MKLN1: variants seen among roughly 807,000 people sequenced by gnomAD.
MKLN1 encodes the protein muskelin.
In MKLN1, 18 loss-of-function variants were observed where a neutral mutation model predicts 99.0. That is an observed-to-expected ratio of 0.18 (90% CI 0.13 to 0.27). MKLN1 has a LOEUF of 0.27. MKLN1 is among the 10% of genes least tolerant of loss of function. MKLN1 has a pLI of 1.00. For missense variants in MKLN1, 621 were observed against 875.9 expected (o/e 0.71, Z 3.67); for synonymous variants, 288 against 293.2 (o/e 0.98, Z 0.18).
At chr7:131,480,046 A>G (rs1797080468) in intron 17 of MKLN1, among the ~76,000 whole-genome samples, 1 of 149,550 alleles carries the variant, frequency 6.7e-6, no homozygotes, top group African/African-American at 2.4e-5. Flanking sequence ...AAAAAATACC[A>G]AGACTGTAAT....
chr7:131,431,963 G>C (rs1795535912), intron 9 of MKLN1, among the ~76,000 whole-genome samples: 1 of 152,102 alleles, frequency 6.6e-6, no homozygotes, highest in South Asian at 2.1e-4. Context: ...TTAAAACTCA[G>C]TTCAGACTTC....
At chr7:131,398,377 A>T (rs1334640604) in intron 5 of MKLN1, among the ~76,000 whole-genome samples, 3 of 152,088 alleles carry the variant, frequency 2.0e-5, no homozygotes, top group Non-Finnish European at 4.4e-5. Flanking sequence ...TGCTTAATAG[A>T]TGAGGTAGTT....
chr7:131,385,342 C>G (rs1048885454), intron 2 of MKLN1, among the ~76,000 whole-genome samples: 9 of 151,512 alleles, frequency 5.9e-5, no homozygotes, highest in Admixed American at 5.9e-4. Context: ...TGTTTGTATA[C>G]CTTTTTTTTT....
At chr7:131,448,843 C>A (rs576074012) in intron 12 of MKLN1, among the ~76,000 whole-genome samples, 1 of 152,182 alleles carries the variant, frequency 6.6e-6, no homozygotes, top group East Asian at 1.9e-4. Flanking sequence ...ATTTGTTGAC[C>A]ATCTACTAGC....
At chr7:131,116,420 T>C (rs1795279045) in intron 1 of MKLN1, among the ~76,000 whole-genome samples, 1 of 152,054 alleles carries the variant, frequency 6.6e-6, no homozygotes, top group Non-Finnish European at 1.5e-5. Context: ...CTCACAAGGC[T>C]GTTAGGAAAA....
At chr7:131,237,617 G>A (rs191951509) in intron 3 of MKLN1, among the ~76,000 whole-genome samples, 5 of 152,114 alleles carry the variant, frequency 3.3e-5, no homozygotes, top group Admixed American at 2.0e-4. Flanking sequence ...CTGACTAAGT[G>A]GGGCAATTGG....
intron 8 of MKLN1, among the ~76,000 whole-genome samples, chr7:131,428,607 T>TA (rs1370296369): frequency 1.3e-5 from 2 of 152,206 alleles, no homozygotes; most frequent in African/African-American, 4.8e-5. Flanking sequence ...GAATCTGAAT[T>TA]AAAAAATTCC....
intron 1 of MKLN1, among the ~76,000 whole-genome samples, chr7:131,357,521 T>C (rs1194762577): frequency 6.6e-6 from 1 of 152,208 alleles, no homozygotes; most frequent in Non-Finnish European, 1.5e-5. Context: ...AATTCTTCTT[T>C]ATGGGAGATT....
chr7:131,128,707 T>G (rs371838283), intron 1 of MKLN1, among the ~76,000 whole-genome samples: 1 of 152,224 alleles, frequency 6.6e-6, no homozygotes, highest in African/African-American at 2.4e-5. Context: ...AACCTTGAAC[T>G]CCTGGGCTCA....
chr7:131,457,665 C>T (rs1305209098), intron 12 of MKLN1, among the ~76,000 whole-genome samples: 1 of 152,132 alleles, frequency 6.6e-6, no homozygotes, highest in Non-Finnish European at 1.5e-5. Context: ...CCTGTAATCC[C>T]AGCACTTTGG....
chr7:131,230,226 G>A (rs1308118428), intron 3 of MKLN1, among the ~76,000 whole-genome samples: 1 of 152,026 alleles, frequency 6.6e-6, no homozygotes, highest in East Asian at 1.9e-4. Flanking sequence ...TATTAATATG[G>A]GTCAGTTGTG....
At chr7:131,171,381 A>G (rs914561807) in intron 2 of MKLN1, among the ~76,000 whole-genome samples, 1 of 152,204 alleles carries the variant, frequency 6.6e-6, no homozygotes, top group African/African-American at 2.4e-5. Context: ...GGCAGGTGGG[A>G]GAGGGGAAGG....
intron 1 of MKLN1, among the ~76,000 whole-genome samples, chr7:131,131,051 CAAAAAAAAAAA>C (rs35397071): frequency 1.7e-4 from 11 of 65,328 alleles, no homozygotes; most frequent in African/African-American, 7.4e-4. Flanking sequence ...GACCCTGTCT[CAAAAAAAAAAA>C]AAAAAAAAAA....
At chr7:131,337,459 T>A (rs1208985993) in intron 1 of MKLN1, among the ~76,000 whole-genome samples, 2 of 152,160 alleles carry the variant, frequency 1.3e-5, no homozygotes, top group African/African-American at 4.8e-5. Flanking sequence ...AGTTCACTTA[T>A]TCTGAATTTA....
chr7:131,476,338 A>C (rs1024342439), intron 16 of MKLN1, among the ~76,000 whole-genome samples: 4 of 152,170 alleles, frequency 2.6e-5, no homozygotes, highest in African/African-American at 9.7e-5. Context: ...TATAGATTGG[A>C]TAGGAGAAAG....
rs750336940 is a variant in MKLN1 at position 131,388,918 on chromosome 7, A to G, written c.346A>G (p.Thr116Ala). Reference sequence around the variant, plus strand: ...GAATGATTATAACAAAGAAACATTCACCTTGAAGCATAAAATTGATGAACA... The same window carrying G: ...GAATGATTATAACAAAGAAACATTCGCCTTGAAGCATAAAATTGATGAACA... ...LKNDYNKETF[T>A]LKHKIDEQMF... Residue 116 changes from threonine (T) to alanine (A), a missense_variant, in exon 4 of 18, where the codon ACC becomes GCC. Physicochemically the swap from Thr to Ala is moderately conservative, Grantham distance 58. Transcript: ENST00000352689. 2 of 1,610,814 alleles carry G rather than the reference A, an allele frequency of 1.2e-6. No homozygotes were observed. The highest frequency in any genetic ancestry group is 1.7e-5 in the Admixed American group (1 of 59,764).
intron 2 of MKLN1, among the ~76,000 whole-genome samples, chr7:131,202,434 G>A (rs1796744815): frequency 6.6e-6 from 1 of 151,864 alleles, no homozygotes; most frequent in Non-Finnish European, 1.5e-5. Flanking sequence ...AATTGTTGTT[G>A]TTGTTGTTAT....
rs1797501581 is a variant in MKLN1, at chr7:131,494,449, TATAAA to T, written c.*6722_*6726del. 1 of 152,070 alleles carries T rather than the reference TATAAA, an allele frequency of 6.6e-6. No homozygotes were observed. The highest frequency in any genetic ancestry group is 6.6e-5 in the Admixed American group (1 of 15,260). 9.4% of individuals were successfully genotyped at this position (152,070 alleles called of 1,614,324 possible). On this transcript the variant is annotated 3_prime_UTR_variant, in exon 18 of 18. Transcript: ENST00000352689. ...TGTGTTGCCTCAAATAATACCAAGT[TATAAA>T]TAATACCAAGTAATTATCAACTCAC...
intron 3 of MKLN1, among the ~76,000 whole-genome samples, chr7:131,289,481 C>A (rs187720229): frequency 2.2e-4 from 33 of 152,194 alleles, no homozygotes; most frequent in African/African-American, 7.9e-4. Flanking sequence ...AAAAAACAAC[C>A]CCAACCGCAA....
Sources: allele counts gnomAD v4.1 joint callset (sites outside exome capture counted in the v4.1 genomes callset), GRCh38; gene constraint gnomAD v4.1.1; transcripts MANE v1.5; gene names NCBI Gene and HGNC (gene_info 2026-07-23, HGNC 2026-07-21).